NXF1: variants seen among roughly 807,000 people sequenced by gnomAD.
NXF1 encodes mRNA export factor TAP.
A neutral mutation model predicts 92.4 loss-of-function variants in NXF1; 43 were observed. The observed-to-expected ratio is 0.47, with a 90% confidence interval of 0.36 to 0.60. The LOEUF (loss-of-function observed/expected upper bound fraction) is 0.60. Ranked by LOEUF, NXF1 falls within the 20% of genes least tolerant of loss-of-function variation. The pLI, the probability that NXF1 is intolerant of heterozygous loss-of-function variation, is 0.00. For synonymous variants in NXF1, 288 were observed against 292.2 expected, an observed-to-expected ratio of 0.99 and a Z score of 0.15; for missense variants, 576 against 793.0, an observed-to-expected ratio of 0.73 and a Z score of 3.29.
intron 13 of NXF1, 107 bp downstream of exon 13, chr11:62,797,076 A>C (rs2084428739): frequency 2.8e-6 from 3 of 1,063,750 alleles, no homozygotes; most frequent in Admixed American, 2.3e-5. Context: ...CAAAAAAAAA[A>C]AAAAAAACAA....
intron 10 of NXF1, chr11:62,799,879 C>A: frequency 1.0e-6 from 1 of 987,498 alleles, no homozygotes; most frequent in Non-Finnish European, 1.2e-6. Flanking sequence ...CAGCCCTGGG[C>A]AAGTGGATCC....
rs1311979049 is a variant in NXF1 at position 62,797,200 on chromosome 11, G to C, written c.1161C>G (p.Val387=). The C allele has an allele frequency of 6.2e-7, 1 of 1,614,016 alleles. No homozygotes were observed. Among genetic ancestry groups the C allele is most frequent in the Non-Finnish European group, 8.5e-7 (1 of 1,180,030 alleles). Residue 387 remains valine, a synonymous_variant, in exon 13 of 21, where the codon GTC becomes GTG. Transcript: ENST00000294172. ...ATACTTACTGTTGCAGGAAGTGCAAGACCAGACTCTTCAAGTTTTCTGTTC... is the reference window on the plus strand; with the variant it reads ...ATACTTACTGTTGCAGGAAGTGCAACACCAGACTCTTCAAGTTTTCTGTTC... ...YFGTENLKSL[V]LHFLQQYYAI...
At chr11:62,797,138 C>T (rs1311152598) in intron 13 of NXF1, 45 bp downstream of exon 13, 30 of 1,537,320 alleles carry the variant, frequency 2.0e-5, no homozygotes, top group African/African-American at 4.1e-5. Flanking sequence ...GCCCACCATT[C>T]CCCCTCAACC....
At position 62,796,465 on chromosome 11, in the gene NXF1, A is replaced by G; in HGVS notation, c.1281T>C (p.Pro427=). The G allele has an allele frequency of 6.2e-7, 1 of 1,614,144 alleles. No individual in the cohort carries two copies. The highest frequency in any genetic ancestry group is 8.5e-7 in the Non-Finnish European group (1 of 1,179,972). Residue 427 remains proline, a synonymous_variant, in exon 14 of 21, where the codon CCT becomes CCC. Transcript: ENST00000294172. ...TTCTGGGATGTGATACTAACCGGGC[A>G]GGGTTCTGAGGAATGAAAGGAATGC... is the stretch of plus-strand genomic sequence containing the variant. ...SLSIPFIPQN[P]ARSSLAEYFK...
In NXF1 at chr11:62,797,319, T is replaced by C; in HGVS notation, c.1121A>G (p.Lys374Arg). ...VEAPTTLPPC[K>R]GSYFGTENLK... Reference sequence around the variant, plus strand: ...TCTTACTCTGTCCATGCTTCCTACCTTGCAGGGCGGTAACGTCGTGGGGGC... The same window carrying C: ...TCTTACTCTGTCCATGCTTCCTACCCTGCAGGGCGGTAACGTCGTGGGGGC... The change falls in exon 12 of 21, where the codon AAG becomes AGG. Residue 374 changes from lysine (K) to arginine (R), a missense_variant and splice_region_variant. This residue lies in a region of NXF1 where 425 missense variants were observed against 635.2 expected (regional missense o/e 0.67). Transcript: ENST00000294172. 1.2e-6 allele frequency: 2 copies of C among 1,614,182 alleles called. No homozygotes were observed. Among genetic ancestry groups the C allele is most frequent in the Non-Finnish European group, 1.7e-6 (2 of 1,180,010 alleles).
intron 17 of NXF1, among the ~76,000 whole-genome samples, chr11:62,795,577 T>A (rs2084411275): frequency 6.6e-6 from 1 of 152,228 alleles, no homozygotes; most frequent in African/African-American, 2.4e-5. Context: ...AGCACCACTA[T>A]GAGACGGCTA....
chr11:62,805,285 C>T (rs1263010953), intron 1 of NXF1, 44 bp downstream of exon 1: 3 of 1,579,102 alleles, frequency 1.9e-6, no homozygotes, highest in Non-Finnish European at 2.6e-6. Flanking sequence ...GCCGCCCACC[C>T]GCGCCCCAGA....
In NXF1 at chr11:62,802,164, G is replaced by C; in HGVS notation, c.453+13C>G. ...TGGTGCCTGGCCAGCCAGCCACTCA[G>C]GCCTTGTCTTACCTCAATAGGGGTG... On this transcript the variant is annotated intron_variant, in intron 4 of 20. Coordinates refer to ENST00000294172, the MANE Select transcript of NXF1 (RefSeq NM_006362.5). 6.2e-7 allele frequency: 1 copy of C among 1,613,752 alleles called. No individual in the cohort carries two copies.
In NXF1 at chr11:62,796,499, C is replaced by T. The variant is rs749454348; in HGVS notation, c.1247G>A (p.Cys416Tyr). ...LLDAYHDGAC[C>Y]SLSIPFIPQN... ...AGGAATGAAAGGAATGCTCAGGGAA[C>T]AGCAGGCCCCATCATGGTAGGCATC... Residue 416 changes from cysteine (C) to tyrosine (Y), a missense_variant, in exon 14 of 21, where the codon TGT becomes TAT. Physicochemically the swap from Cys to Tyr is radical, Grantham distance 194. Around this residue, in one of 2 missense-constraint regions of NXF1, gnomAD observed 425 missense variants for 635.2 expected, o/e 0.67. Coordinates refer to ENST00000294172, the MANE Select transcript of NXF1 (RefSeq NM_006362.5). 25 of 1,614,150 alleles carry T rather than the reference C, an allele frequency of 1.5e-5. No homozygotes were observed. The highest frequency in any genetic ancestry group is 8.3e-5 in the Admixed American group (5 of 60,022).
chr11:62,793,914 T>C (rs2084393745), intron 19 of NXF1, among the ~76,000 whole-genome samples: 1 of 150,370 alleles, frequency 6.7e-6, no homozygotes, highest in Admixed American at 6.6e-5. Flanking sequence ...GATTGGAGAA[T>C]TGCTTGAACC....
intron 11 of NXF1, 78 bp downstream of exon 11, chr11:62,798,457 GAAAA>G (rs1211589146): frequency 1.9e-5 from 29 of 1,518,842 alleles, no homozygotes; most frequent in Non-Finnish European, 2.6e-5. Flanking sequence ...AAAAGAAAAA[GAAAA>G]AGAAAAAGAA....
Position 62,800,610 on chromosome 11 carries a change from T to C in NXF1, c.907-124A>G. 1.3e-5 allele frequency: 8 copies of C among 605,226 alleles called. No individual in the cohort carries two copies. In the East Asian group the frequency reaches 2.1e-4, roughly 16 times the overall value. 37.5% of individuals were successfully genotyped at this position (605,226 alleles called of 1,614,324 possible). On this transcript the variant is annotated intron_variant, in intron 9 of 20. Transcript: ENST00000294172. ...CTAATCTTTTAAAATTTTTTCTTTT[T>C]TTTTTTTTTTTGGGACAGGGTCTCA...
Position 62,795,943 on chromosome 11 carries a change from T to C in NXF1, c.1462A>G (p.Ser488Gly). The change falls in exon 17 of 21, where the codon AGC becomes GGC. Residue 488 changes from serine (S) to glycine (G), a missense_variant and splice_region_variant. By Grantham distance (56) the Ser-to-Gly change is moderately conservative. This residue lies in a region of NXF1 where 425 missense variants were observed against 635.2 expected (regional missense o/e 0.67). Coordinates refer to ENST00000294172, the MANE Select transcript of NXF1 (RefSeq NM_006362.5). The stretch of plus-strand genomic sequence containing the variant: ...TTGACAGAAAAACACAGCAATGTGC[T>C]CTGAAAGAGAAGCAGCATCAGGTAC... Reference protein sequence around the residue: ...SFVVDISAQTSTLLCFSVNGV... With the variant: ...SFVVDISAQTGTLLCFSVNGV... 6.2e-7 allele frequency: 1 copy of C among 1,613,926 alleles called. No individual in the cohort carries two copies. The highest frequency in any genetic ancestry group is 8.5e-7 in the Non-Finnish European group (1 of 1,179,998).
intron 1 of NXF1, among the ~76,000 whole-genome samples, chr11:62,804,612 C>G (rs1015549344): frequency 1.5e-4 from 23 of 152,122 alleles, no homozygotes; most frequent in African/African-American, 5.6e-4. Flanking sequence ...CTGCCTAATA[C>G]CCAGCACTCT....
intron 9 of NXF1, 116 bp downstream of exon 9, chr11:62,800,978 T>C: frequency 3.9e-6 from 3 of 776,646 alleles, no homozygotes; most frequent in Non-Finnish European, 4.3e-6. Context: ...AGGATTAGAG[T>C]TGCAAACCAG....
chr11:62,800,568 T>TATA (rs1296389228), intron 9 of NXF1, 82 bp from the exon 10 acceptor site: 2 of 848,466 alleles, frequency 2.4e-6, no homozygotes, highest in Non-Finnish European at 3.7e-6. Flanking sequence ...TCCCTACGCT[T>TATA]AGCTCTGAGA....
At chr11:62,800,138 A>G in intron 10 of NXF1, 1 of 1,369,864 alleles carries the variant, frequency 7.3e-7, no homozygotes, top group Non-Finnish European at 9.4e-7. Context: ...TTCAGGAAGA[A>G]AGAGAAAGGC....
chr11:62,800,589 T>C, intron 9 of NXF1, 103 bp from the exon 10 acceptor site: 1 of 673,376 alleles, frequency 1.5e-6, no homozygotes, highest in Non-Finnish European at 2.4e-6. Context: ...TCTTTTCTAA[T>C]CTTTTAAAAT....
At chr11:62,799,707 G>A (rs1037437923) in intron 10 of NXF1, 128 of 986,050 alleles carry the variant, frequency 1.3e-4, no homozygotes, top group Non-Finnish European at 1.5e-4. Flanking sequence ...CCCAGCACCT[G>A]CCTTGGGATT....
Sources: allele counts gnomAD v4.1 joint callset (sites outside exome capture counted in the v4.1 genomes callset), GRCh38; gene constraint gnomAD v4.1.1; regional missense constraint gnomAD v4.1.1; transcripts MANE v1.5; gene names NCBI Gene and HGNC (gene_info 2026-07-23, HGNC 2026-07-21).